The following TFEC variants were observed in gnomAD, a reference collection of about 807,000 sequenced individuals.
The protein encoded by TFEC is transcription factor EC.
TFEC carries 31 observed loss-of-function variants against 41.6 expected under a neutral mutation model. The observed-to-expected ratio is 0.74, with a 90% CI of 0.56 to 1.01. The LOEUF is 1.01. Among genes scored for constraint, TFEC ranks in the 50% least tolerant of loss-of-function variants. The probability of loss-of-function intolerance (pLI) is 0.00; values close to 1 mark genes in which losing one functional copy is unlikely to be tolerated. For missense variants in TFEC, 402 were observed against 404.1 expected (o/e 0.99, Z 0.04); for synonymous variants, 143 against 140.6 (o/e 1.02, Z -0.12).
intron 1 of TFEC, among the ~76,000 whole-genome samples, chr7:116,124,540 A>C (rs1023795587): frequency 6.6e-6 from 1 of 152,140 alleles, no homozygotes; most frequent in Non-Finnish European, 1.5e-5. Context: ...AACAAATAAA[A>C]TATTAAATAA....
intron 1 of TFEC, among the ~76,000 whole-genome samples, chr7:115,995,240 A>C (rs1018305174): frequency 3.3e-5 from 5 of 151,698 alleles, no homozygotes; most frequent in Non-Finnish European, 7.4e-5. Context: ...GATATACCTA[A>C]TGTAAATGAT....
chr7:115,940,681 T>C lies in TFEC; in HGVS notation c.914A>G (p.Asp305Gly). ...SAALKEEQRL[D>G]GMLLDDTISP... Reference sequence around the variant, plus strand: ...GATTGTGTCATCCAATAGCATGCCATCCAATCTTTGTTCCTCTTTCAATGC... The same window carrying C: ...GATTGTGTCATCCAATAGCATGCCACCCAATCTTTGTTCCTCTTTCAATGC... Residue 305 changes from aspartate to glycine, a missense_variant, in exon 8 of 8, where the codon GAT (aspartate) becomes GGT (glycine). Coordinates refer to ENST00000265440, the MANE Select transcript of TFEC (RefSeq NM_012252.4). 1 of 1,613,606 alleles carries C rather than the reference T, an allele frequency of 6.2e-7. No individual in the cohort carries two copies. Among genetic ancestry groups the C allele is most frequent in the Non-Finnish European group, 8.5e-7 (1 of 1,179,646 alleles).
Position 115,973,689 on chromosome 7 carries a change from C to T in TFEC, c.267+481G>A, listed in dbSNP as rs1267400452. Among the ~76,000 whole-genome samples the T allele has an allele frequency of 2.6e-5, 4 of 151,994 alleles. No individual in the cohort carries two copies. In the East Asian group the frequency reaches 5.8e-4, roughly 22 times the overall value. Reference sequence around the variant, plus strand: ...AGGGTGAGGCCTGTTCTATCTTTTTCGATTTGACTTTAACCTCTGGCTATT... The same window carrying T: ...AGGGTGAGGCCTGTTCTATCTTTTTTGATTTGACTTTAACCTCTGGCTATT... On this transcript the variant is annotated intron_variant, in intron 3 of 7. Coordinates refer to ENST00000265440, the MANE Select transcript of TFEC (RefSeq NM_012252.4).
intron 1 of TFEC, among the ~76,000 whole-genome samples, chr7:116,011,494 T>A (rs1794999430): frequency 6.6e-6 from 1 of 152,206 alleles, no homozygotes; most frequent in African/African-American, 2.4e-5. Context: ...GATTGTATGC[T>A]ATCTATTGAA....
At chr7:116,046,781 C>T (rs924768980) in intron 3 of TFEC, among the ~76,000 whole-genome samples, 1 of 152,112 alleles carries the variant, frequency 6.6e-6, no homozygotes, top group Non-Finnish European at 1.5e-5. Context: ...AATTAATGTC[C>T]ACCCTTTTGT....
chr7:115,984,856 C>G (rs1283253409), intron 1 of TFEC, among the ~76,000 whole-genome samples: 6 of 152,010 alleles, frequency 3.9e-5, no homozygotes, highest in African/African-American at 1.2e-4. Context: ...TTCACTATTA[C>G]AAGTAATTTG....
At chr7:116,141,052 T>C (rs765672799) in intron 1 of TFEC, among the ~76,000 whole-genome samples, 1 of 152,160 alleles carries the variant, frequency 6.6e-6, no homozygotes, top group Non-Finnish European at 1.5e-5. Flanking sequence ...TTTACAATCA[T>C]TGTAAATTAC....
At chr7:116,125,881 G>A (rs558349816) in intron 1 of TFEC, among the ~76,000 whole-genome samples, 38 of 152,152 alleles carry the variant, frequency 2.5e-4, no homozygotes, top group Non-Finnish European at 5.1e-4. Context: ...TGAAAGCTAA[G>A]TTGTGATTTG....
At chr7:115,962,474 G>A (rs987062065) in intron 3 of TFEC, among the ~76,000 whole-genome samples, 40 of 151,762 alleles carry the variant, frequency 2.6e-4, no homozygotes, top group Admixed American at 2.4e-3. Context: ...CTGTGCTAGT[G>A]TGAGTCTGAC....
intron 2 of TFEC, among the ~76,000 whole-genome samples, chr7:115,974,750 C>T (rs1793305872): frequency 6.6e-6 from 1 of 151,184 alleles, no homozygotes; most frequent in Non-Finnish European, 1.5e-5. Flanking sequence ...TAAATATTAC[C>T]CAGTACATTC....
At chr7:116,141,262 G>A (rs1413207459) in intron 1 of TFEC, among the ~76,000 whole-genome samples, 1 of 152,090 alleles carries the variant, frequency 6.6e-6, no homozygotes, top group Non-Finnish European at 1.5e-5. Flanking sequence ...ATCTAGAACT[G>A]TGAAAAGGAG....
intron 1 of TFEC, among the ~76,000 whole-genome samples, chr7:116,146,976 G>C (rs1175870214): frequency 6.6e-6 from 1 of 152,178 alleles, no homozygotes; most frequent in Admixed American, 6.5e-5. Flanking sequence ...GGAACTCAAA[G>C]TTTGGATTAA....
chr7:115,940,445 C>T lies in TFEC; in HGVS notation c.*106G>A, dbSNP rs575379406. 3 of 1,284,932 alleles carry T rather than the reference C, an allele frequency of 2.3e-6. No individual in the cohort carries two copies. The highest frequency in any genetic ancestry group is 3.1e-6 in the Non-Finnish European group (3 of 956,160). 79.6% of individuals were successfully genotyped at this position (1,284,932 alleles called of 1,614,324 possible). A position where few individuals can be genotyped will look rare whatever the true frequency, so the allele number is the denominator to read the frequency against. Reference sequence around the variant, plus strand: ...TCAGTTTTTCATGAACAACACATTCCTTTAAGAAAAAAAATAAGCCAAAGC... The same window carrying T: ...TCAGTTTTTCATGAACAACACATTCTTTTAAGAAAAAAAATAAGCCAAAGC... On this transcript the variant is annotated 3_prime_UTR_variant, in exon 8 of 8. Transcript: ENST00000265440.
At chr7:116,096,443 G>A (rs1562967772) in intron 3 of TFEC, among the ~76,000 whole-genome samples, 1 of 152,162 alleles carries the variant, frequency 6.6e-6, no homozygotes, top group Non-Finnish European at 1.5e-5. Flanking sequence ...AAAAAGGAAG[G>A]TTGGAGCAGG....
intron 3 of TFEC, among the ~76,000 whole-genome samples, chr7:116,058,002 G>C (rs1365872798): frequency 6.6e-6 from 1 of 151,528 alleles, no homozygotes; most frequent in Non-Finnish European, 1.5e-5. Flanking sequence ...CAGAAAACAA[G>C]TATCAAGATG....
chr7:116,151,998 A>G (rs954212884), intron 1 of TFEC, among the ~76,000 whole-genome samples: 6 of 152,192 alleles, frequency 3.9e-5, no homozygotes, highest in Admixed American at 6.5e-5. Context: ...TTTTCTCAAA[A>G]AAAAAGGTAG....
Position 115,942,050 on chromosome 7 carries a change from G to A in TFEC, c.516-10C>T. The A allele has an allele frequency of 1.2e-6, 2 of 1,602,480 alleles. No individual in the cohort carries two copies. ...GTTCCAGCGCATATCACTGTAGAAT[G>A]GAGAGATAACCTTTTCACAATTGTG... is the stretch of plus-strand genomic sequence containing the variant. On this transcript the variant is annotated splice_polypyrimidine_tract_variant and intron_variant, in intron 6 of 7. Transcript: ENST00000265440.
chr7:116,036,658 G>A (rs4727824), intron 3 of TFEC, among the ~76,000 whole-genome samples: 34,387 of 151,688 alleles, frequency 0.23, 4,122 homozygotes, highest in East Asian at 0.39. Context: ...TCAGGCAGTA[G>A]GTATACAAAG....
intron 3 of TFEC, among the ~76,000 whole-genome samples, chr7:116,044,017 T>C (rs1164022839): frequency 2.0e-5 from 3 of 152,214 alleles, no homozygotes; most frequent in East Asian, 3.8e-4. Context: ...ATGTAATTCT[T>C]AGTTATTTTC....
Sources: allele counts gnomAD v4.1 joint callset (sites outside exome capture counted in the v4.1 genomes callset), GRCh38; gene constraint gnomAD v4.1.1; transcripts MANE v1.5; gene names NCBI Gene and HGNC (gene_info 2026-07-23, HGNC 2026-07-21).